The following COBLL1 variants were observed in gnomAD, a reference collection of about 807,000 sequenced individuals.
The protein encoded by COBLL1 is cordon-bleu protein-like 1.
Under a neutral mutation model 94.8 loss-of-function variants are expected in COBLL1, and 50 were observed. The observed-to-expected ratio is 0.53, with a 90% CI of 0.42 to 0.67. The LOEUF is 0.67. Among genes scored for constraint, COBLL1 ranks in the 30% least tolerant of loss-of-function variants. COBLL1 has a pLI of 0.00. For missense variants in COBLL1, 1,362 were observed against 1,348.7 expected (o/e 1.01, Z -0.15); for synonymous variants, 448 against 473.8 (o/e 0.95, Z 0.71).
intron 2 of COBLL1, among the ~76,000 whole-genome samples, chr2:164,824,255 C>T (rs866909023): frequency 6.6e-6 from 1 of 151,946 alleles, no homozygotes; most frequent in African/African-American, 2.4e-5. Flanking sequence ...GTGGTGTATG[C>T]CTGTAATCCC....
At chr2:164,800,278 T>C (rs1173511530) in intron 2 of COBLL1, among the ~76,000 whole-genome samples, 1 of 152,102 alleles carries the variant, frequency 6.6e-6, no homozygotes, top group East Asian at 1.9e-4. Context: ...TAAACAGTTG[T>C]CTCAAAAAAG....
intron 2 of COBLL1, chr2:164,779,519 G>A (rs1325119268): frequency 6.2e-6 from 2 of 321,586 alleles, no homozygotes; most frequent in Admixed American, 3.7e-5. Context: ...TTCAGGAGAT[G>A]CAGCATTCTT....
downstream of COBLL1, among the ~76,000 whole-genome samples, chr2:164,678,974 C>T (rs1200864593): frequency 1.3e-5 from 2 of 152,158 alleles, no homozygotes; most frequent in Non-Finnish European, 2.9e-5. Context: ...TAAAACTCAC[C>T]ATATGCATGC....
rs1684879238 is a variant in COBLL1, at chr2:164,711,154, TACTAGC to T, written c.997-6055_997-6050del. On this transcript the variant is annotated intron_variant, in intron 7 of 13. Coordinates refer to ENST00000652658, the MANE Select transcript of COBLL1 (RefSeq NM_001365672.2). ...CCTCCTCATTCATGAAAAGGAAAAGTACTAGCACCTATGTCAAAAGGGGCTGGGATA... is the reference window on the plus strand; with the variant it reads ...CCTCCTCATTCATGAAAAGGAAAAGTACCTATGTCAAAAGGGGCTGGGATA... 3.9e-5 allele frequency among the ~76,000 whole-genome samples: 6 copies of T among 152,264 alleles called. No homozygotes were observed. The South Asian group carries it at 1.2e-3, about 32-fold the overall frequency.
Position 164,685,995 on chromosome 2 carries a change from C to G in COBLL1, c.3338G>C (p.Arg1113Thr). The G allele has an allele frequency of 6.2e-7, 1 of 1,607,894 alleles. No homozygotes were observed. The highest frequency in any genetic ancestry group is 2.3e-5 in the East Asian group (1 of 44,428). ...IPSNTISVNG[R>T]SRLSHSMSPD... ...GGACATGGAATGGCTGAGTCTTGAC[C>G]TTCCATTCACAGATATTGTATTTGA... is the stretch of plus-strand genomic sequence containing the variant. Residue 1113 changes from arginine to threonine, a missense_variant, in exon 14 of 14, where the codon AGG becomes ACG. Transcript: ENST00000652658.
At chr2:164,795,003 G>C (rs1386468403) in intron 2 of COBLL1, among the ~76,000 whole-genome samples, 1 of 152,198 alleles carries the variant, frequency 6.6e-6, no homozygotes, top group Non-Finnish European at 1.5e-5. Context: ...TGAATTGTGA[G>C]AAATACTTAT....
At chr2:164,705,694 A>AGAAT (rs917847533) in intron 7 of COBLL1, among the ~76,000 whole-genome samples, 39 of 152,224 alleles carry the variant, frequency 2.6e-4, no homozygotes, top group African/African-American at 7.0e-4. Context: ...GCCTTTACCA[A>AGAAT]GAATGAATGA....
chr2:164,667,162 T>C (rs1691172757), intron 1 of COBLL1, among the ~76,000 whole-genome samples: 1 of 152,154 alleles, frequency 6.6e-6, no homozygotes, highest in African/African-American at 2.4e-5. Flanking sequence ...AGGTGCATTA[T>C]CAATGAACAG....
downstream of COBLL1, among the ~76,000 whole-genome samples, chr2:164,679,273 G>A (rs548956132): frequency 2.6e-4 from 40 of 152,022 alleles, 1 homozygote; most frequent in Non-Finnish European, 5.1e-4. Context: ...GCAACACCTC[G>A]TACAAATTAC....
chr2:164,748,056 G>A (rs1686958457), intron 2 of COBLL1, among the ~76,000 whole-genome samples: 1 of 152,138 alleles, frequency 6.6e-6, no homozygotes, highest in African/African-American at 2.4e-5. Flanking sequence ...ATCAAGGCAT[G>A]CTTCAAAGAG....
chr2:164,731,851 G>A (rs759042865), intron 3 of COBLL1, among the ~76,000 whole-genome samples: 3 of 152,042 alleles, frequency 2.0e-5, no homozygotes, highest in South Asian at 2.1e-4. Context: ...GTTTTCATAC[G>A]GCACGTCACC....
intron 2 of COBLL1, among the ~76,000 whole-genome samples, chr2:164,762,842 G>A (rs532588990): frequency 2.0e-5 from 3 of 151,826 alleles, no homozygotes; most frequent in Non-Finnish European, 4.4e-5. Flanking sequence ...GACTACAGGC[G>A]CCTGGCACCA....
chr2:164,837,211 A>G (rs972075011), intron 2 of COBLL1, among the ~76,000 whole-genome samples: 5 of 152,194 alleles, frequency 3.3e-5, no homozygotes, highest in Non-Finnish European at 7.3e-5. Flanking sequence ...AGCAAGGTCA[A>G]TTAAGCTTTT....
At chr2:164,831,442 GAATA>G (rs1268694174) in intron 2 of COBLL1, among the ~76,000 whole-genome samples, 37 of 150,926 alleles carry the variant, frequency 2.5e-4, no homozygotes, top group Admixed American at 6.6e-4. Context: ...TTATCTAGTA[GAATA>G]AATATTTAAA....
At chr2:164,748,241 C>G (rs769283104) in intron 2 of COBLL1, among the ~76,000 whole-genome samples, 15 of 152,128 alleles carry the variant, frequency 9.9e-5, no homozygotes, top group Non-Finnish European at 2.9e-5. Flanking sequence ...CAGATGGAAG[C>G]CTGGATTTGG....
Position 164,685,341 on chromosome 2 carries a change from T to C in COBLL1, c.*605A>G, listed in dbSNP as rs1683225846. ...ATGTTAATAAAATATTAAAATACTA[T>C]GAGCTTCCCATAAAATTGACAGTGA... On this transcript the variant is annotated 3_prime_UTR_variant, in exon 14 of 14. Transcript: ENST00000652658. 6.6e-6 allele frequency: 1 copy of C among 152,162 alleles called. No individual in the cohort carries two copies. The highest frequency in any genetic ancestry group is 1.5e-5 in the Non-Finnish European group (1 of 68,010). 9.4% of individuals were successfully genotyped at this position (152,162 alleles called of 1,614,324 possible). A position where few individuals can be genotyped will look rare whatever the true frequency, so the allele number is the denominator to read the frequency against.
At chr2:164,771,491 T>A (rs1688202000) in intron 2 of COBLL1, among the ~76,000 whole-genome samples, 1 of 152,016 alleles carries the variant, frequency 6.6e-6, no homozygotes, top group Non-Finnish European at 1.5e-5. Flanking sequence ...CAAACTTAAG[T>A]ACATTTTGCA....
At position 164,681,119 on chromosome 2, in the gene COBLL1, G is replaced by A. The variant is rs1027132701; in HGVS notation, c.*4827C>T. On this transcript the variant is annotated 3_prime_UTR_variant, in exon 14 of 14. Transcript: ENST00000652658. ...GAATCAATTTATGATTAGGGTTAGA[G>A]TCATATGTGTATGGTTTGTTTAACA... 19 of 152,148 alleles carry A rather than the reference G, an allele frequency of 1.2e-4. No individual in the cohort carries two copies. Among genetic ancestry groups the A allele is most frequent in the African/African-American group, 4.6e-4 (19 of 41,424 alleles). 9.4% of individuals were successfully genotyped at this position (152,148 alleles called of 1,614,324 possible).
intron 2 of COBLL1, among the ~76,000 whole-genome samples, chr2:164,791,771 C>T (rs1420089454): frequency 2.0e-5 from 3 of 152,052 alleles, no homozygotes; most frequent in Admixed American, 6.5e-5. Context: ...GTACCTCTGG[C>T]AGGCCAGACA....
Sources: allele counts gnomAD v4.1 joint callset (sites outside exome capture counted in the v4.1 genomes callset), GRCh38; gene constraint gnomAD v4.1.1; transcripts MANE v1.5; gene names NCBI Gene and HGNC (gene_info 2026-07-23, HGNC 2026-07-21).